The following INSYN2A variants were observed in gnomAD, a reference collection of about 807,000 sequenced individuals.
The protein encoded by INSYN2A is family with sequence similarity 196 member A.
Under a neutral mutation model 39.4 loss-of-function variants are expected in INSYN2A, and 17 were observed. That is an observed-to-expected ratio of 0.43 (90% confidence interval 0.30 to 0.65). The LOEUF (loss-of-function observed/expected upper bound fraction) is 0.65. Among genes scored for constraint, INSYN2A ranks in the 30% least tolerant of loss-of-function variants. The probability of loss-of-function intolerance (pLI) is 0.14; values close to 1 mark genes in which losing one functional copy is unlikely to be tolerated. For synonymous variants in INSYN2A, 255 were observed against 265.7 expected (o/e 0.96, Z 0.39); for missense variants, 595 against 631.2 (o/e 0.94, Z 0.61).
chr10:127,161,140 G>T (rs573259672), intron 4 of INSYN2A, among the ~76,000 whole-genome samples: 3 of 152,284 alleles, frequency 2.0e-5, no homozygotes, highest in Admixed American at 6.5e-5. Flanking sequence ...TTATGCCCCG[G>T]ACATGTACTT....
At chr10:127,170,570 G>A (rs1233344907) in intron 4 of INSYN2A, among the ~76,000 whole-genome samples, 2 of 152,168 alleles carry the variant, frequency 1.3e-5, no homozygotes, top group Admixed American at 1.3e-4. Context: ...AATCTAAGAG[G>A]CAAAGAGCGC....
intron 5 of INSYN2A, 114 bp from the exon 6 acceptor site, chr10:127,138,134 G>A: frequency 1.1e-6 from 1 of 925,488 alleles, no homozygotes; most frequent in South Asian, 1.8e-5. Flanking sequence ...GTAATTTTAT[G>A]GTTTAATAAT....
intron 5 of INSYN2A, among the ~76,000 whole-genome samples, chr10:127,140,264 C>A (rs577501961): frequency 2.6e-5 from 4 of 152,180 alleles, no homozygotes; most frequent in Non-Finnish European, 5.9e-5. Context: ...ACAGAGTAAT[C>A]TAATCTGAGT....
chr10:127,142,153 T>C (rs765366150), intron 5 of INSYN2A, among the ~76,000 whole-genome samples: 12 of 152,222 alleles, frequency 7.9e-5, no homozygotes, highest in Non-Finnish European at 1.6e-4. Context: ...GTGATGTTTG[T>C]TCTGAGCACC....
chr10:127,154,295 C>CT (rs1360092642), intron 4 of INSYN2A, among the ~76,000 whole-genome samples: 1 of 152,254 alleles, frequency 6.6e-6, no homozygotes, highest in Non-Finnish European at 1.5e-5. Flanking sequence ...TATGTTTGCT[C>CT]TACCCCACCT....
At chr10:127,190,281 C>T (rs539446841) in intron 2 of INSYN2A, among the ~76,000 whole-genome samples, 45 of 152,290 alleles carry the variant, frequency 3.0e-4, no homozygotes, top group African/African-American at 7.2e-4. Flanking sequence ...CATGGCCAGA[C>T]GTCAGTACTG....
chr10:127,186,846 C>A (rs1471297503), intron 2 of INSYN2A, among the ~76,000 whole-genome samples: 1 of 151,934 alleles, frequency 6.6e-6, no homozygotes, highest in Non-Finnish European at 1.5e-5. Context: ...GAGAGAAATG[C>A]ACAGACAAAC....
chr10:127,163,727 C>G (rs549216083), intron 4 of INSYN2A, among the ~76,000 whole-genome samples: 3 of 152,100 alleles, frequency 2.0e-5, no homozygotes, highest in Admixed American at 2.0e-4. Flanking sequence ...GCTTCCGACA[C>G]CCAGTTTTGA....
intron 2 of INSYN2A, among the ~76,000 whole-genome samples, chr10:127,191,223 T>C (rs1214705020): frequency 2.0e-5 from 3 of 152,128 alleles, no homozygotes; most frequent in African/African-American, 7.2e-5. Context: ...CCTATCCTGA[T>C]TCTACCTGGG....
At chr10:127,172,817 G>T (rs2054702935) in intron 4 of INSYN2A, among the ~76,000 whole-genome samples, 1 of 152,172 alleles carries the variant, frequency 6.6e-6, no homozygotes, top group South Asian at 2.1e-4. Flanking sequence ...TTAAGAACCA[G>T]GCACTGTGCC....
Position 127,176,378 on chromosome 10 carries a change from G to A in INSYN2A, c.18C>T (p.Thr6=), listed in dbSNP as rs372783138. 3.5e-4 allele frequency: 571 copies of A among 1,608,764 alleles called. No homozygotes were observed. Among genetic ancestry groups the A allele is most frequent in the Middle Eastern group, 9.9e-4 (6 of 6,044 alleles). MVSKD[T]GKCILTTSES... ...CCGACGTTGTGAGTATGCATTTGCC[G>A]GTGTCCTTACTGACCATGGTTCCTG... Residue 6 remains threonine, a synonymous_variant, in exon 4 of 6, where the codon ACC becomes ACT. Transcript: ENST00000522781. The surrounding 1 kb of genome is among the most constrained non-coding windows in gnomAD (Gnocchi z 4.4).
chr10:127,151,967 C>G (rs767402466), intron 5 of INSYN2A, among the ~76,000 whole-genome samples: 3 of 151,928 alleles, frequency 2.0e-5, no homozygotes, highest in African/African-American at 7.3e-5. Flanking sequence ...GGATTTAGAG[C>G]TAAGTTCATT....
chr10:127,188,382 T>C (rs1453180069), intron 2 of INSYN2A, among the ~76,000 whole-genome samples: 6 of 152,258 alleles, frequency 3.9e-5, no homozygotes, highest in African/African-American at 1.2e-4. Context: ...ATTCACACTT[T>C]TTTTTATGTA....
chr10:127,186,468 G>A (rs562666643), intron 2 of INSYN2A, among the ~76,000 whole-genome samples: 31 of 129,288 alleles, frequency 2.4e-4, no homozygotes, highest in South Asian at 8.0e-4. Flanking sequence ...GATCTCCTGC[G>A]ATTTCACTCA....
intron 5 of INSYN2A, among the ~76,000 whole-genome samples, chr10:127,146,767 T>A (rs2133382028): frequency 6.6e-6 from 1 of 152,252 alleles, no homozygotes; most frequent in South Asian, 2.1e-4. Context: ...CATGAAGAGA[T>A]AATCGCTGAA....
chr10:127,151,649 T>C (rs1397616332), intron 5 of INSYN2A, among the ~76,000 whole-genome samples: 1 of 152,194 alleles, frequency 6.6e-6, no homozygotes, highest in African/African-American at 2.4e-5. Context: ...TAAAATCACA[T>C]CTGCAGTAAA....
chr10:127,179,816 A>G (rs1457737831), intron 2 of INSYN2A, among the ~76,000 whole-genome samples: 2 of 152,238 alleles, frequency 1.3e-5, no homozygotes, highest in Non-Finnish European at 2.9e-5. Flanking sequence ...GTTACAGTGT[A>G]GCATTAACAT....
chr10:127,182,317 C>G (rs11016679), intron 2 of INSYN2A, among the ~76,000 whole-genome samples: 4 of 152,124 alleles, frequency 2.6e-5, no homozygotes, highest in Non-Finnish European at 5.9e-5. Flanking sequence ...ACAAAAAAAC[C>G]TATGGTCAGT....
chr10:127,144,955 T>TA (rs1471051690), intron 5 of INSYN2A, among the ~76,000 whole-genome samples: 1 of 151,192 alleles, frequency 6.6e-6, no homozygotes, highest in African/African-American at 2.5e-5. Context: ...ATAGTTTTTT[T>TA]AAAAAAGCAT....
Sources: gnomAD v4.1 joint callset for allele counts (sites outside exome capture counted in the v4.1 genomes callset) on GRCh38, gnomAD v4.1.1 for gene constraint, Gnocchi (gnomAD v3.1) non-coding constraint, MANE v1.5 for transcripts, NCBI Gene and HGNC (gene_info 2026-07-23, HGNC 2026-07-21) for gene names.